Variants in ARL13B observed in about 807,000 individuals in gnomAD.
The protein encoded by ARL13B is ARF like GTPase 13B, also known as ADP-ribosylation factor-like protein 13B.
In ARL13B, 36 loss-of-function variants were observed where a neutral mutation model predicts 56.1. That is an observed-to-expected ratio of 0.64 (90% CI 0.49 to 0.85). ARL13B has a LOEUF of 0.85. Ranked by LOEUF, ARL13B falls within the 40% of genes least tolerant of loss-of-function variation. The pLI is 0.00. For synonymous variants in ARL13B, 178 were observed against 171.1 expected, an observed-to-expected ratio of 1.04 and a Z score of -0.32; for missense variants, 519 against 507.1, an observed-to-expected ratio of 1.02 and a Z score of -0.23.
chr3:94,035,997 T>C (rs1468858691), intron 4 of ARL13B, among the ~76,000 whole-genome samples: 1 of 152,064 alleles, frequency 6.6e-6, no homozygotes, highest in Non-Finnish European at 1.5e-5. Context: ...CACTGGACCC[T>C]GGGAGGCTGA....
intron 1 of ARL13B, among the ~76,000 whole-genome samples, chr3:93,994,270 C>A (rs1438351235): frequency 1.3e-5 from 2 of 152,070 alleles, no homozygotes; most frequent in Non-Finnish European, 2.9e-5. Context: ...AGTGTCTTTG[C>A]AGCAGCTGTT....
At chr3:94,050,756 G>A in intron 8 of ARL13B, 68 bp from the exon 9 acceptor site, 1 of 1,301,556 alleles carries the variant, frequency 7.7e-7, no homozygotes, top group Non-Finnish European at 1.1e-6. Context: ...TCCAGGGAGG[G>A]ATCCTCTCAA....
chr3:94,043,350 C>T (rs1253199088), intron 7 of ARL13B, 110 bp downstream of exon 7: 1 of 1,017,728 alleles, frequency 9.8e-7, no homozygotes, highest in East Asian at 2.7e-5. Context: ...CAATATTTTT[C>T]TGTCTTCAAA....
intron 3 of ARL13B, among the ~76,000 whole-genome samples, chr3:94,020,083 C>A (rs1187748806): frequency 2.0e-5 from 3 of 152,176 alleles, no homozygotes; most frequent in Admixed American, 1.3e-4. Flanking sequence ...TGTCTACTTT[C>A]TCCTCCCAGT....
intron 2 of ARL13B, among the ~76,000 whole-genome samples, chr3:93,998,129 A>G (rs759028798): frequency 6.6e-5 from 10 of 152,258 alleles, no homozygotes; most frequent in Non-Finnish European, 1.0e-4. Flanking sequence ...TTTAAAATGT[A>G]AAACACATTC....
chr3:94,034,506 A>G (rs980373861), intron 3 of ARL13B, among the ~76,000 whole-genome samples: 1 of 143,382 alleles, frequency 7.0e-6, no homozygotes, highest in Admixed American at 7.0e-5. Context: ...ATTGAGTACA[A>G]TTTTTTTTTT....
intron 3 of ARL13B, among the ~76,000 whole-genome samples, chr3:94,022,676 T>C (rs1470437684): frequency 6.6e-6 from 1 of 152,090 alleles, no homozygotes; most frequent in African/African-American, 2.4e-5. Flanking sequence ...GTTTTTTCAA[T>C]GGATAGAGAT....
intron 3 of ARL13B, among the ~76,000 whole-genome samples, chr3:94,023,056 C>T (rs1474328591): frequency 1.3e-5 from 2 of 151,752 alleles, no homozygotes; most frequent in Non-Finnish European, 2.9e-5. Flanking sequence ...CTTTTATATT[C>T]TCTATTTTTG....
chr3:94,039,599 C>T (rs1470306575), intron 5 of ARL13B, among the ~76,000 whole-genome samples: 1 of 151,402 alleles, frequency 6.6e-6, no homozygotes, highest in Non-Finnish European at 1.5e-5. Context: ...ATCAGTAATA[C>T]CCTTGGCACA....
chr3:94,021,117 A>G (rs571895145), intron 3 of ARL13B, among the ~76,000 whole-genome samples: 1 of 151,760 alleles, frequency 6.6e-6, no homozygotes, highest in South Asian at 2.1e-4. Context: ...ATTAGACGAT[A>G]CTATAGAAAG....
chr3:94,010,617 A>T (rs1348941458), intron 3 of ARL13B, among the ~76,000 whole-genome samples: 1 of 152,058 alleles, frequency 6.6e-6, no homozygotes. Context: ...TGTATATAAA[A>T]TACACAAAAT....
intron 7 of ARL13B, among the ~76,000 whole-genome samples, chr3:94,043,706 G>T: frequency 1.0e-5 from 1 of 98,552 alleles, no homozygotes; most frequent in Non-Finnish European, 1.9e-5. Context: ...TGCCGAGCCT[G>T]GACTGTACTG....
intron 3 of ARL13B, among the ~76,000 whole-genome samples, chr3:94,032,902 T>C (rs1237988360): frequency 1.3e-5 from 2 of 152,216 alleles, no homozygotes; most frequent in Non-Finnish European, 2.9e-5. Context: ...CAAGAAAAGA[T>C]ATCTGAACTC....
At chr3:94,005,422 T>G (rs75132194) in intron 3 of ARL13B, among the ~76,000 whole-genome samples, 2,946 of 152,084 alleles carry the variant, frequency 0.019, 76 homozygotes, top group African/African-American at 0.061. Flanking sequence ...AATGAGGGAG[T>G]CAGTCATGCA....
chr3:94,015,339 A>G (rs2076309163), intron 3 of ARL13B: 2 of 1,344,542 alleles, frequency 1.5e-6, no homozygotes, highest in Non-Finnish European at 2.0e-6. Flanking sequence ...TTTCCCCAGT[A>G]GCAGTTGACT....
chr3:94,028,118 A>C (rs1475226996), intron 3 of ARL13B, among the ~76,000 whole-genome samples: 1 of 152,156 alleles, frequency 6.6e-6, no homozygotes, highest in Non-Finnish European at 1.5e-5. Context: ...TAAAAGACTT[A>C]AAAATTTTTT....
At chr3:94,020,747 T>C (rs555899239) in intron 3 of ARL13B, among the ~76,000 whole-genome samples, 114 of 152,268 alleles carry the variant, frequency 7.5e-4, no homozygotes, top group African/African-American at 2.7e-3. Context: ...TAAGAGCAAG[T>C]TTTTGTTGCT....
intron 7 of ARL13B, among the ~76,000 whole-genome samples, chr3:94,045,776 C>G (rs1393179194): frequency 6.6e-6 from 1 of 150,806 alleles, no homozygotes; most frequent in African/African-American, 2.4e-5. Context: ...CAGTAGAGAC[C>G]CCGTCTCTAC....
chr3:94,042,935 A>C, intron 6 of ARL13B, 80 bp from the exon 7 acceptor site: 1 of 1,141,552 alleles, frequency 8.8e-7, no homozygotes, highest in Non-Finnish European at 1.2e-6. Context: ...AATCCTGTTA[A>C]GGTATTTGAT....
Sources: allele counts gnomAD v4.1 joint callset (sites outside exome capture counted in the v4.1 genomes callset), GRCh38; gene constraint gnomAD v4.1.1; transcripts MANE v1.5; gene names NCBI Gene and HGNC (gene_info 2026-07-23, HGNC 2026-07-21).